ITCH: variants seen among roughly 807,000 people sequenced by gnomAD.
ITCH encodes E3 ubiquitin-protein ligase Itchy homolog.
Under a neutral mutation model 126.8 loss-of-function variants are expected in ITCH, and 28 were observed. The ratio of observed to expected loss-of-function variants is 0.22; its 90% CI spans 0.16 to 0.30. ITCH has a LOEUF of 0.30. Among genes scored for constraint, ITCH ranks in the 10% least tolerant of loss-of-function variants. The pLI, the probability that ITCH is intolerant of heterozygous loss-of-function variation, is 1.00. For synonymous variants in ITCH, 342 were observed against 340.0 expected (o/e 1.01, Z -0.06); for missense variants, 631 against 1,032.4 (o/e 0.61, Z 5.33).
chr20:34,417,127 GCT>G, intron 6 of ITCH: 1 of 671,846 alleles, frequency 1.5e-6, no homozygotes, highest in Non-Finnish European at 2.7e-6. Context: ...ATGGGGTTTC[GCT>G]CTGTTTGCCC....
At chr20:34,424,557 G>A in intron 7 of ITCH, 32 bp downstream of exon 7, 2 of 1,560,982 alleles carry the variant, frequency 1.3e-6, no homozygotes, top group Non-Finnish European at 1.8e-6. Context: ...ACCACAGAAT[G>A]CGGAGAGATA....
chr20:34,505,786 C>T (rs1990585519), intron 24 of ITCH, among the ~76,000 whole-genome samples: 1 of 151,902 alleles, frequency 6.6e-6, no homozygotes, highest in South Asian at 2.1e-4. Context: ...GAACTCCTGA[C>T]CTCGTGATCC....
chr20:34,479,726 C>G lies in ITCH; in HGVS notation c.1755C>G (p.Pro585=), dbSNP rs373626080. 3 of 1,614,034 alleles carry G rather than the reference C, an allele frequency of 1.9e-6. No individual in the cohort carries two copies. Among genetic ancestry groups the G allele is most frequent in the Non-Finnish European group, 2.5e-6 (3 of 1,179,978 alleles). Residue 585 remains proline, a synonymous_variant, in exon 18 of 25, where the codon CCC becomes CCG. Transcript: ENST00000374864. ...ATAACTACTGCTTGCAGATAAACCCCGCTTCTTACATCAATCCAGATCACC... is the reference window on the plus strand; with the variant it reads ...ATAACTACTGCTTGCAGATAAACCCGGCTTCTTACATCAATCCAGATCACC... ...GKDNYCLQIN[P]ASYINPDHLK... is the part of the protein sequence containing the mutation.
At chr20:34,409,151 C>A (rs1601831379) in intron 4 of ITCH, among the ~76,000 whole-genome samples, 1 of 107,016 alleles carries the variant, frequency 9.3e-6, no homozygotes, top group Non-Finnish European at 1.9e-5. Flanking sequence ...CCCCCCCCCC[C>A]GGTTTTTAAC....
At chr20:34,495,316 T>TACACACAC (rs1555885679) in intron 23 of ITCH, among the ~76,000 whole-genome samples, 73 of 132,276 alleles carry the variant, frequency 5.5e-4, no homozygotes, top group Admixed American at 9.1e-4. Context: ...TATATATATA[T>TACACACAC]ACACACGCAC....
At chr20:34,491,432 A>G (rs1011556019) in intron 22 of ITCH, among the ~76,000 whole-genome samples, 2 of 152,204 alleles carry the variant, frequency 1.3e-5, no homozygotes, top group South Asian at 2.1e-4. Context: ...TAATGTGTAC[A>G]TAGGTTTTAC....
At chr20:34,444,204 C>T (rs1198208974) in intron 10 of ITCH, among the ~76,000 whole-genome samples, 1 of 152,174 alleles carries the variant, frequency 6.6e-6, no homozygotes, top group Non-Finnish European at 1.5e-5. Context: ...GAATTATGTT[C>T]ATAATCAACA....
intron 22 of ITCH, among the ~76,000 whole-genome samples, chr20:34,491,305 G>A (rs560114153): frequency 1.3e-5 from 2 of 152,230 alleles, no homozygotes; most frequent in African/African-American, 4.8e-5. Flanking sequence ...AGACACAAAC[G>A]GACAAATACT....
chr20:34,441,555 G>C (rs1983749653), intron 9 of ITCH: 1 of 149,976 alleles, frequency 6.7e-6, no homozygotes, highest in East Asian at 2.0e-4. Context: ...ATCCTGAGTA[G>C]CTGGGATTAC....
intron 14 of ITCH, among the ~76,000 whole-genome samples, chr20:34,468,108 C>G (rs1207950664): frequency 2.7e-5 from 4 of 149,880 alleles, no homozygotes; most frequent in Non-Finnish European, 5.9e-5. Flanking sequence ...AATCTCAGCT[C>G]ACTGCAAGCT....
chr20:34,455,849 C>T (rs989096350), intron 12 of ITCH, among the ~76,000 whole-genome samples: 1 of 151,622 alleles, frequency 6.6e-6, no homozygotes, highest in Non-Finnish European at 1.5e-5. Context: ...ACTGGGAACA[C>T]GAAAACAGGG....
intron 22 of ITCH, among the ~76,000 whole-genome samples, chr20:34,490,275 A>G (rs1989417085): frequency 6.6e-6 from 1 of 152,210 alleles, no homozygotes; most frequent in African/African-American, 2.4e-5. Context: ...GCAAAATTTA[A>G]GAGACTTGGT....
chr20:34,413,687 A>G (rs1483481798), intron 5 of ITCH, 55 bp from the exon 6 acceptor site: 6 of 1,506,972 alleles, frequency 4.0e-6, no homozygotes, highest in Non-Finnish European at 5.5e-6. Context: ...AACAGTTAAG[A>G]TGCCTTAACT....
intron 2 of ITCH, among the ~76,000 whole-genome samples, chr20:34,378,331 G>T (rs941671030): frequency 1.3e-5 from 2 of 151,650 alleles, no homozygotes; most frequent in African/African-American, 4.8e-5. Flanking sequence ...AAATTAGCCG[G>T]GTGGGGTGGT....
rs139973196 is a variant in ITCH, at chr20:34,449,512, G to C, written c.1210+32G>C. Reference sequence around the variant, plus strand: ...CACATGAGTTTCTTCATGGAGTTCTGTCATTTCATTTTTGTTCTCTTCCAA... The same window carrying C: ...CACATGAGTTTCTTCATGGAGTTCTCTCATTTCATTTTTGTTCTCTTCCAA... On this transcript the variant is annotated intron_variant, in intron 12 of 24. Transcript: ENST00000374864. 1.6e-4 allele frequency: 215 copies of C among 1,384,916 alleles called. No homozygotes were observed. The African/African-American group carries it at 2.6e-3, about 17-fold the overall frequency. The allele number at this position is 1,384,916 out of a possible 1,614,324, so 85.8% of individuals were successfully genotyped here.
intron 12 of ITCH, among the ~76,000 whole-genome samples, chr20:34,452,245 A>C (rs1285975558): frequency 1.3e-5 from 2 of 152,164 alleles, no homozygotes; most frequent in African/African-American, 4.8e-5. Flanking sequence ...CTTTCCTGCA[A>C]GTTGGTCCTT....
At chr20:34,492,960 T>G (rs1202990218) in intron 23 of ITCH, among the ~76,000 whole-genome samples, 1 of 152,208 alleles carries the variant, frequency 6.6e-6, no homozygotes, top group Non-Finnish European at 1.5e-5. Context: ...GTTTTAGTAT[T>G]GTGTTTAAAA....
intron 2 of ITCH, among the ~76,000 whole-genome samples, chr20:34,381,103 T>C (rs1372348636): frequency 6.6e-6 from 1 of 152,066 alleles, no homozygotes; most frequent in South Asian, 2.1e-4. Context: ...TTCAACTCTT[T>C]AGAAGACATC....
At position 34,471,558 on chromosome 20, in the gene ITCH, C is replaced by T. The variant is rs1207847767; in HGVS notation, c.1569+43C>T. 5.0e-6 allele frequency: 6 copies of T among 1,196,922 alleles called. No individual in the cohort carries two copies. In the Admixed American group the frequency reaches 8.5e-5, roughly 17 times the overall value. 74.1% of individuals were successfully genotyped at this position (1,196,922 alleles called of 1,614,324 possible). A position where few individuals can be genotyped will look rare whatever the true frequency, so the allele number is the denominator to read the frequency against. ...CAATAATTTCCCCCCTGGCTGCTAGCTTAGGACCCGCTTTTGGTGCTGTCA... is the reference window on the plus strand; with the variant it reads ...CAATAATTTCCCCCCTGGCTGCTAGTTTAGGACCCGCTTTTGGTGCTGTCA... On this transcript the variant is annotated intron_variant, in intron 16 of 24. Transcript: ENST00000374864.
Sources: gnomAD v4.1 joint callset for allele counts (sites outside exome capture counted in the v4.1 genomes callset) on GRCh38, gnomAD v4.1.1 for gene constraint, MANE v1.5 for transcripts, NCBI Gene and HGNC (gene_info 2026-07-23, HGNC 2026-07-21) for gene names.